The following MKLN1 variants were observed in gnomAD, a reference collection of about 807,000 sequenced individuals.
MKLN1 encodes muskelin.
A neutral mutation model predicts 99.0 loss-of-function variants in MKLN1; 18 were observed. That is an observed-to-expected ratio of 0.18 (90% confidence interval 0.13 to 0.27). MKLN1 has a LOEUF of 0.27. MKLN1 is among the 10% of genes least tolerant of loss of function. The probability of loss-of-function intolerance (pLI) is 1.00; values close to 1 mark genes in which losing one functional copy is unlikely to be tolerated. For missense variants in MKLN1, 621 were observed against 875.9 expected (o/e 0.71, Z 3.67); for synonymous variants, 288 against 293.2 (o/e 0.98, Z 0.18).
intron 6 of MKLN1, among the ~76,000 whole-genome samples, chr7:131,403,543 C>T (rs1174259823): frequency 6.6e-6 from 1 of 152,178 alleles, no homozygotes; most frequent in Non-Finnish European, 1.5e-5. Context: ...AACTTTCAGC[C>T]TATCTTGGCC....
At chr7:131,124,716 T>A (rs1452948843) in intron 1 of MKLN1, among the ~76,000 whole-genome samples, 1 of 152,160 alleles carries the variant, frequency 6.6e-6, no homozygotes, top group Non-Finnish European at 1.5e-5. Context: ...TCCCTTTGGA[T>A]GTGGGTCCCT....
chr7:131,190,625 C>G (rs1309256609), intron 2 of MKLN1, among the ~76,000 whole-genome samples: 1 of 151,884 alleles, frequency 6.6e-6, no homozygotes, highest in Admixed American at 6.6e-5. Context: ...AACACTACAG[C>G]TGTGGGAATA....
chr7:131,438,654 G>A, intron 10 of MKLN1, among the ~76,000 whole-genome samples: 1 of 151,670 alleles, frequency 6.6e-6, no homozygotes, highest in East Asian at 1.9e-4. Context: ...ATTCAATGTA[G>A]GTCAAAAAAG....
chr7:131,461,347 C>T (rs1464613875), intron 12 of MKLN1, among the ~76,000 whole-genome samples: 3 of 151,204 alleles, frequency 2.0e-5, no homozygotes, highest in African/African-American at 7.3e-5. Context: ...CCAGACTTTA[C>T]ATACACTAAA....
intron 2 of MKLN1, among the ~76,000 whole-genome samples, chr7:131,375,824 GTTTAT>G (rs1793629140): frequency 6.7e-6 from 1 of 150,192 alleles, no homozygotes; most frequent in Non-Finnish European, 1.5e-5. Context: ...AACTTAAATA[GTTTAT>G]TTTATTATAA....
chr7:131,316,110 C>G (rs1388162107), intron 3 of MKLN1, among the ~76,000 whole-genome samples: 1 of 152,214 alleles, frequency 6.6e-6, no homozygotes, highest in Non-Finnish European at 1.5e-5. Context: ...AAGTGGGTCC[C>G]TGACCCCCAT....
chr7:131,303,629 G>GTCAGA, intron 3 of MKLN1, among the ~76,000 whole-genome samples: 2 of 152,334 alleles, frequency 1.3e-5, no homozygotes, highest in Middle Eastern at 6.8e-3. Flanking sequence ...TTGGACTTCT[G>GTCAGA]AATCCTGGGG....
intron 1 of MKLN1, among the ~76,000 whole-genome samples, chr7:131,338,596 C>T (rs1374793096): frequency 1.3e-5 from 2 of 151,966 alleles, no homozygotes; most frequent in South Asian, 2.1e-4. Context: ...ACAGACTATT[C>T]CGTCATATTC....
chr7:131,119,078 C>A (rs1795321254), intron 1 of MKLN1, among the ~76,000 whole-genome samples: 1 of 152,166 alleles, frequency 6.6e-6, no homozygotes, highest in Non-Finnish European at 1.5e-5. Flanking sequence ...TGAGACAATG[C>A]AAGTTTCTTC....
intron 1 of MKLN1, among the ~76,000 whole-genome samples, chr7:131,355,751 C>T (rs1799857067): frequency 6.6e-6 from 1 of 150,418 alleles, no homozygotes; most frequent in Admixed American, 6.6e-5. Context: ...ACCTCAAACT[C>T]CTGGGCTCAA....
intron 3 of MKLN1, among the ~76,000 whole-genome samples, chr7:131,262,248 A>G (rs1797743284): frequency 6.6e-6 from 1 of 152,110 alleles, no homozygotes; most frequent in African/African-American, 2.4e-5. Context: ...ATCCTGGCCA[A>G]CATGGTGAAA....
At chr7:131,275,553 ATATATATATATATATTTTTTTTTTT>A (rs200933980) in intron 3 of MKLN1, among the ~76,000 whole-genome samples, 2 of 14,892 alleles carry the variant, frequency 1.3e-4, no homozygotes, top group African/African-American at 5.8e-4. Context: ...ATATATATAT[ATATATATATATATATTTTTTTTTTT>A]TTTTTTTTTT....
chr7:131,436,849 A>G (rs1186219797), intron 9 of MKLN1, among the ~76,000 whole-genome samples: 2 of 152,142 alleles, frequency 1.3e-5, no homozygotes, highest in African/African-American at 4.8e-5. Flanking sequence ...TTGATAATAT[A>G]CTGTTCTTAA....
chr7:131,386,263 C>T (rs541584105), intron 2 of MKLN1, among the ~76,000 whole-genome samples: 75 of 152,254 alleles, frequency 4.9e-4, no homozygotes, highest in Non-Finnish European at 8.8e-4. Context: ...CCGCCCACCT[C>T]GGCCTCCCAA....
chr7:131,413,931 T>C (rs1584715690), intron 7 of MKLN1, among the ~76,000 whole-genome samples: 2 of 152,338 alleles, frequency 1.3e-5, no homozygotes, highest in Non-Finnish European at 2.9e-5. Context: ...AAAGTTTTAC[T>C]GATTGTATTT....
At chr7:131,201,356 C>T (rs1270759704) in intron 2 of MKLN1, among the ~76,000 whole-genome samples, 2 of 152,132 alleles carry the variant, frequency 1.3e-5, no homozygotes, top group African/African-American at 4.8e-5. Context: ...CTTCACACTT[C>T]GTTAGCATTC....
chr7:131,241,624 T>C (rs1021328493), intron 3 of MKLN1, among the ~76,000 whole-genome samples: 1 of 152,142 alleles, frequency 6.6e-6, no homozygotes, highest in African/African-American at 2.4e-5. Context: ...CATCACTGCA[T>C]TCCAGCCTGG....
intron 2 of MKLN1, chr7:131,202,846 A>C (rs1796751445): frequency 1.3e-5 from 2 of 152,152 alleles, no homozygotes. Context: ...TTCCCCACCA[A>C]CTAAATTTAG....
At chr7:131,169,083 C>T (rs1022683285) in intron 2 of MKLN1, among the ~76,000 whole-genome samples, 1 of 152,168 alleles carries the variant, frequency 6.6e-6, no homozygotes, top group South Asian at 2.1e-4. Flanking sequence ...CCAGGCTGGT[C>T]TCCAACTCAT....
Sources: allele counts gnomAD v4.1 joint callset (sites outside exome capture counted in the v4.1 genomes callset), GRCh38; gene constraint gnomAD v4.1.1; transcripts MANE v1.5; gene names NCBI Gene and HGNC (gene_info 2026-07-23, HGNC 2026-07-21).